Variants in CNTN5 observed in about 807,000 individuals in gnomAD.
CNTN5 encodes contactin-5.
A neutral mutation model predicts 129.1 loss-of-function variants in CNTN5; 77 were observed. The ratio of observed to expected loss-of-function variants is 0.60; its 90% CI spans 0.50 to 0.72. CNTN5 has a LOEUF of 0.72. CNTN5 is among the 30% of genes least tolerant of loss of function. CNTN5 has a pLI of 0.00. For synonymous variants in CNTN5, 509 were observed against 465.6 expected (o/e 1.09, Z -1.20); for missense variants, 1,478 against 1,328.8 (o/e 1.11, Z -1.75).
intron 9 of CNTN5, among the ~76,000 whole-genome samples, chr11:100,058,439 C>T (rs892309792): frequency 2.6e-5 from 4 of 152,070 alleles, no homozygotes; most frequent in Admixed American, 1.3e-4. Flanking sequence ...AACTCACCAA[C>T]GAATAAGCTC....
intron 2 of CNTN5, among the ~76,000 whole-genome samples, chr11:99,498,923 T>C (rs909560121): frequency 2.0e-5 from 3 of 152,160 alleles, no homozygotes; most frequent in African/African-American, 7.2e-5. Flanking sequence ...TAAGGAGATC[T>C]AGGAGATGGA....
intron 1 of CNTN5, among the ~76,000 whole-genome samples, chr11:99,164,123 C>T (rs1353294646): frequency 7.9e-5 from 12 of 151,908 alleles, no homozygotes. Context: ...GTTAGGAGTT[C>T]AAGACCAGCC....
At chr11:99,036,937 A>G (rs1476361730) in intron 1 of CNTN5, among the ~76,000 whole-genome samples, 2 of 152,198 alleles carry the variant, frequency 1.3e-5, no homozygotes, top group African/African-American at 2.4e-5. Context: ...ACAAACCCAT[A>G]GCAGCAAGAG....
intron 1 of CNTN5, among the ~76,000 whole-genome samples, chr11:99,269,250 G>A (rs1228416422): frequency 2.0e-5 from 3 of 151,358 alleles, no homozygotes; most frequent in African/African-American, 4.9e-5. Context: ...TAAAATAGAA[G>A]GATTAATTAT....
intron 4 of CNTN5, among the ~76,000 whole-genome samples, chr11:99,830,581 T>C (rs1252325736): frequency 6.6e-6 from 1 of 152,110 alleles, no homozygotes; most frequent in African/African-American, 2.4e-5. Context: ...ATAAGAATTC[T>C]CTCTTGGAGG....
intron 2 of CNTN5, among the ~76,000 whole-genome samples, chr11:99,546,745 A>G (rs80078997): frequency 0.096 from 14,539 of 152,092 alleles, 800 homozygotes; most frequent in African/African-American, 0.15. Context: ...CTGGCCTTCT[A>G]TGATCCTCAG....
intron 13 of CNTN5, among the ~76,000 whole-genome samples, chr11:100,164,851 T>C (rs1947574706): frequency 6.6e-6 from 1 of 151,878 alleles, no homozygotes; most frequent in South Asian, 2.1e-4. Context: ...TTGCATAACT[T>C]TTCTTACTAA....
At chr11:100,183,815 C>T (rs373499507) in intron 13 of CNTN5, among the ~76,000 whole-genome samples, 1 of 152,082 alleles carries the variant, frequency 6.6e-6, no homozygotes, top group African/African-American at 2.4e-5. Flanking sequence ...TAATAGCTTC[C>T]CATTGCCCTT....
At chr11:100,244,074 G>A (rs550447136) in intron 16 of CNTN5, among the ~76,000 whole-genome samples, 1 of 151,884 alleles carries the variant, frequency 6.6e-6, no homozygotes, top group Admixed American at 6.6e-5. Flanking sequence ...AAAAAAAAAT[G>A]TACTGGTTTC....
At chr11:99,498,869 G>T (rs370018316) in intron 2 of CNTN5, among the ~76,000 whole-genome samples, 21 of 152,274 alleles carry the variant, frequency 1.4e-4, no homozygotes, top group African/African-American at 5.1e-4. Flanking sequence ...AGCCATTTTT[G>T]TAATTAGGGA....
intron 3 of CNTN5, among the ~76,000 whole-genome samples, chr11:99,815,447 C>T (rs898146403): frequency 2.0e-5 from 3 of 152,072 alleles, no homozygotes; most frequent in Admixed American, 2.0e-4. Context: ...TTAAAAATAT[C>T]CCTGAGAGAG....
intron 1 of CNTN5, among the ~76,000 whole-genome samples, chr11:99,065,117 C>T (rs1591131024): frequency 6.6e-6 from 1 of 151,722 alleles, no homozygotes; most frequent in Non-Finnish European, 1.5e-5. Context: ...AAGATGATAC[C>T]AATGTAAAAG....
intron 21 of CNTN5, among the ~76,000 whole-genome samples, chr11:100,311,128 A>T (rs1289633607): frequency 2.6e-5 from 4 of 151,992 alleles, no homozygotes; most frequent in Admixed American, 2.6e-4. Context: ...CAGCTGTTCC[A>T]ACCTCAGTGA....
chr11:99,618,005 C>G (rs1443681793), intron 3 of CNTN5, among the ~76,000 whole-genome samples: 1 of 152,056 alleles, frequency 6.6e-6, no homozygotes, highest in Non-Finnish European at 1.5e-5. Flanking sequence ...ACTCATAGAA[C>G]TTTAATGAAG....
At chr11:99,740,735 G>A (rs1280028516) in intron 3 of CNTN5, among the ~76,000 whole-genome samples, 1 of 152,098 alleles carries the variant, frequency 6.6e-6, no homozygotes, top group Admixed American at 6.6e-5. Flanking sequence ...ATATTTGCTG[G>A]ATATGCATGA....
intron 2 of CNTN5, among the ~76,000 whole-genome samples, chr11:99,402,959 T>G (rs1179745211): frequency 1.3e-5 from 2 of 152,146 alleles, no homozygotes; most frequent in African/African-American, 4.8e-5. Flanking sequence ...TCTTTCCTTT[T>G]TTTTTTCTGT....
chr11:99,336,009 C>A (rs997761078), intron 2 of CNTN5, among the ~76,000 whole-genome samples: 10 of 152,034 alleles, frequency 6.6e-5, no homozygotes, highest in East Asian at 3.9e-4. Context: ...TCTGTTTGAG[C>A]CTTCTTCAGC....
chr11:100,026,486 A>G (rs113346981), intron 9 of CNTN5, among the ~76,000 whole-genome samples: 2 of 152,184 alleles, frequency 1.3e-5, no homozygotes, highest in African/African-American at 2.4e-5. Context: ...TGACTGTACT[A>G]TTTTGCATTT....
intron 13 of CNTN5, among the ~76,000 whole-genome samples, chr11:100,091,150 A>C (rs9734455): frequency 0.038 from 5,790 of 151,830 alleles, 333 homozygotes; most frequent in African/African-American, 0.12. Context: ...CCATCATTAC[A>C]CTCCCTGTTC....
Sources: gnomAD v4.1 joint callset for allele counts (sites outside exome capture counted in the v4.1 genomes callset) on GRCh38, gnomAD v4.1.1 for gene constraint, MANE v1.5 for transcripts, NCBI Gene and HGNC (gene_info 2026-07-23, HGNC 2026-07-21) for gene names.